TRAPPC9: variants seen among roughly 807,000 people sequenced by gnomAD.
TRAPPC9 encodes IKK2 binding protein.
In TRAPPC9, 83 loss-of-function variants were observed where a neutral mutation model predicts 124.0. That is an observed-to-expected ratio of 0.67 (90% CI 0.56 to 0.80). The LOEUF is 0.80. TRAPPC9 is among the 30% of genes least tolerant of loss of function. The pLI is 0.00. For synonymous variants in TRAPPC9, 638 were observed against 617.5 expected, an observed-to-expected ratio of 1.03 and a Z score of -0.49; for missense variants, 1,302 against 1,508.3, an observed-to-expected ratio of 0.86 and a Z score of 2.27.
chr8:140,157,591 T>C (rs2061677000), intron 17 of TRAPPC9, among the ~76,000 whole-genome samples: 2 of 152,168 alleles, frequency 1.3e-5, no homozygotes, highest in African/African-American at 4.8e-5. Flanking sequence ...AGAATGCAAT[T>C]AAAATAAAAA....
chr8:139,775,384 T>C (rs1821287516), intron 21 of TRAPPC9, among the ~76,000 whole-genome samples: 1 of 152,202 alleles, frequency 6.6e-6, no homozygotes, highest in African/African-American at 2.4e-5. Context: ...TCCATTCCTG[T>C]AAACATTTTC....
intron 19 of TRAPPC9, among the ~76,000 whole-genome samples, chr8:139,967,357 T>C (rs367676543): frequency 1.3e-5 from 2 of 152,256 alleles, no homozygotes; most frequent in South Asian, 2.1e-4. Flanking sequence ...CAAGTATTTG[T>C]GCTGCTGCAC....
At chr8:140,358,792 A>G (rs1362345334) in intron 9 of TRAPPC9, among the ~76,000 whole-genome samples, 1 of 152,130 alleles carries the variant, frequency 6.6e-6, no homozygotes, top group Non-Finnish European at 1.5e-5. Flanking sequence ...TGCAGGGAGG[A>G]GAGGCCCGTT....
At chr8:139,824,048 G>A (rs1021989851) in intron 21 of TRAPPC9, among the ~76,000 whole-genome samples, 4 of 152,174 alleles carry the variant, frequency 2.6e-5, no homozygotes, top group African/African-American at 7.2e-5. Flanking sequence ...GGGCTCTCAC[G>A]TGTATCAGTT....
chr8:140,240,821 T>C (rs561403847), intron 16 of TRAPPC9, among the ~76,000 whole-genome samples: 172 of 152,340 alleles, frequency 1.1e-3, no homozygotes, highest in African/African-American at 3.9e-3. Flanking sequence ...ATTACAGGTG[T>C]GAGCCACTGC....
At chr8:140,202,822 C>A (rs77952728) in intron 17 of TRAPPC9, among the ~76,000 whole-genome samples, 1,919 of 152,280 alleles carry the variant, frequency 0.013, 47 homozygotes, top group African/African-American at 0.043. Flanking sequence ...ACCAACTTCA[C>A]CTATGAAGTA....
intron 21 of TRAPPC9, among the ~76,000 whole-genome samples, chr8:139,756,947 A>G (rs1439615514): frequency 2.6e-3 from 179 of 69,236 alleles, no homozygotes; most frequent in Admixed American, 5.6e-3. Flanking sequence ...GTTGGGGTAT[A>G]AGGACAGCAG....
chr8:140,383,533 C>T (rs776674930), intron 7 of TRAPPC9, among the ~76,000 whole-genome samples: 28 of 152,122 alleles, frequency 1.8e-4, no homozygotes, highest in Non-Finnish European at 1.6e-4. Context: ...CTTCAGTAGC[C>T]GATTCGATCA....
At chr8:139,865,794 G>C (rs993151890) in intron 21 of TRAPPC9, among the ~76,000 whole-genome samples, 4 of 152,150 alleles carry the variant, frequency 2.6e-5, no homozygotes, top group Admixed American at 2.6e-4. Flanking sequence ...GACCCAAAGA[G>C]TCAAACTCTG....
chr8:139,952,445 C>A (rs760235646), intron 19 of TRAPPC9, among the ~76,000 whole-genome samples: 2 of 152,142 alleles, frequency 1.3e-5, no homozygotes, highest in Non-Finnish European at 2.9e-5. Context: ...TTTCACGGAA[C>A]TTTTAAGGAA....
At chr8:139,829,736 G>A (rs978100594) in intron 21 of TRAPPC9, among the ~76,000 whole-genome samples, 1 of 152,204 alleles carries the variant, frequency 6.6e-6, no homozygotes, top group African/African-American at 2.4e-5. Flanking sequence ...CTGAGAGACA[G>A]GTAAGGGACG....
At chr8:140,419,877 C>T (rs542776762) in intron 5 of TRAPPC9, among the ~76,000 whole-genome samples, 1 of 151,908 alleles carries the variant, frequency 6.6e-6, no homozygotes, top group East Asian at 1.9e-4. Flanking sequence ...CAGAGTGAGA[C>T]TCCGTCTCAA....
intron 21 of TRAPPC9, among the ~76,000 whole-genome samples, chr8:139,860,798 G>C (rs1000727492): frequency 1.3e-5 from 2 of 152,242 alleles, no homozygotes; most frequent in African/African-American, 4.8e-5. Flanking sequence ...TCTCTCCCAG[G>C]TTCCTCGGGC....
At chr8:139,798,523 C>A (rs573372323) in intron 21 of TRAPPC9, among the ~76,000 whole-genome samples, 1 of 152,322 alleles carries the variant, frequency 6.6e-6, no homozygotes, top group East Asian at 1.9e-4. Context: ...GCTCCAGAGA[C>A]TGCTTGCTTG....
chr8:139,913,922 C>T (rs1304434010), intron 19 of TRAPPC9: 9 of 152,682 alleles, frequency 5.9e-5, no homozygotes, highest in Non-Finnish European at 1.3e-4. Flanking sequence ...TCCTCCCCAC[C>T]AGGAAGTGAC....
At chr8:140,319,237 G>A (rs1312297679) in intron 9 of TRAPPC9, among the ~76,000 whole-genome samples, 3 of 146,528 alleles carry the variant, frequency 2.0e-5, no homozygotes, top group Non-Finnish European at 3.0e-5. Flanking sequence ...GTGCAGTGGC[G>A]CGATCTCGGC....
intron 12 of TRAPPC9, among the ~76,000 whole-genome samples, chr8:140,287,942 C>T (rs74951945): frequency 2.0e-3 from 304 of 152,310 alleles, no homozygotes; most frequent in African/African-American, 7.1e-3. Context: ...AGGCGATAAA[C>T]CACGGATCCA....
chr8:139,756,653 G>A (rs1219833259), intron 21 of TRAPPC9, among the ~76,000 whole-genome samples: 1 of 141,002 alleles, frequency 7.1e-6, no homozygotes, highest in Admixed American at 7.0e-5. Flanking sequence ...CAGGTCGCAG[G>A]AGGAGCCAGG....
chr8:139,835,931 C>A (rs966452856), intron 21 of TRAPPC9, among the ~76,000 whole-genome samples: 3 of 152,170 alleles, frequency 2.0e-5, no homozygotes, highest in African/African-American at 7.2e-5. Context: ...ATATCTATAT[C>A]TACCTACCCA....
Sources: allele counts gnomAD v4.1 joint callset (sites outside exome capture counted in the v4.1 genomes callset), GRCh38; gene constraint gnomAD v4.1.1; transcripts MANE v1.5; gene names NCBI Gene and HGNC (gene_info 2026-07-23, HGNC 2026-07-21).